WWC1: variants seen among roughly 807,000 people sequenced by gnomAD.
The protein encoded by WWC1 is WW and C2 domain containing 1.
Under a neutral mutation model 138.4 loss-of-function variants are expected in WWC1, and 55 were observed. The observed-to-expected ratio is 0.40, with a 90% CI of 0.32 to 0.50. The LOEUF is 0.50. Among genes scored for constraint, WWC1 ranks in the 20% least tolerant of loss-of-function variants. The pLI is 0.72. For missense variants in WWC1, 1,226 were observed against 1,420.4 expected (o/e 0.86, Z 2.20); for synonymous variants, 524 against 564.9 (o/e 0.93, Z 1.03).
intron 15 of WWC1, among the ~76,000 whole-genome samples, chr5:168,432,887 T>G (rs1221508605): frequency 1.3e-5 from 2 of 152,220 alleles, no homozygotes; most frequent in African/African-American, 4.8e-5. Context: ...AGCTGGAATG[T>G]AGAGCCTCTC....
chr5:168,420,264 T>C (rs894327960), intron 9 of WWC1, among the ~76,000 whole-genome samples: 1 of 152,142 alleles, frequency 6.6e-6, no homozygotes, highest in Non-Finnish European at 1.5e-5. Flanking sequence ...CAGATGTCAG[T>C]GGGGTTGCTT....
At position 168,292,266 on chromosome 5, in the gene WWC1, G is replaced by A; in HGVS notation, c.114G>A (p.Arg38=). ...GCACCACCAGCTGGATCGACCCGCG[G>A]GACAGGTAGGACCCTGGAACCCTCC... ...TNRTTSWIDP[R]DRYTKPLTFA... Residue 38 remains arginine, a synonymous_variant, in exon 1 of 23, where the codon CGG becomes CGA. Transcript: ENST00000265293. This position sits in a 1 kb window ranked among gnomAD's most constrained non-coding sequence, Gnocchi z 4.4. 6.3e-7 allele frequency: 1 copy of A among 1,597,006 alleles called. No homozygotes were observed. The highest frequency in any genetic ancestry group is 8.5e-7 in the Non-Finnish European group (1 of 1,172,638).
intron 9 of WWC1, among the ~76,000 whole-genome samples, chr5:168,421,410 A>G (rs1341888151): frequency 3.3e-5 from 5 of 152,146 alleles, no homozygotes; most frequent in Non-Finnish European, 7.3e-5. Context: ...GTTCTTTTCT[A>G]CCATTTGTAC....
intron 1 of WWC1, among the ~76,000 whole-genome samples, chr5:168,309,644 G>A (rs1324885982): frequency 6.6e-6 from 1 of 152,018 alleles, no homozygotes; most frequent in Non-Finnish European, 1.5e-5. Flanking sequence ...AAGCTTAGTG[G>A]AAAATAGACC....
rs1461852862 is a variant in WWC1, at chr5:168,384,959, C to T, written c.230-252C>T. ...CTCAAGCTCCTTGACCTCAAGTGAT[C>T]CACCTGCCTCAGCCTCCCAATGTGC... On this transcript the variant is annotated intron_variant, in intron 2 of 22. Coordinates refer to ENST00000265293, the MANE Select transcript of WWC1 (RefSeq NM_015238.3). Among the ~76,000 whole-genome samples the T allele has an allele frequency of 2.0e-5, 3 of 152,140 alleles. No individual in the cohort carries two copies. In the East Asian group the frequency reaches 5.8e-4, roughly 29 times the overall value.
intron 4 of WWC1, 126 bp from the exon 5 acceptor site, chr5:168,399,362 G>C (rs1779141936): frequency 9.0e-6 from 8 of 885,720 alleles, no homozygotes; most frequent in Non-Finnish European, 1.4e-5. Context: ...GTGGCGCAAG[G>C]GGTGCTGACC....
chr5:168,330,065 G>A (rs371854084), intron 1 of WWC1, among the ~76,000 whole-genome samples: 10 of 152,210 alleles, frequency 6.6e-5, no homozygotes, highest in East Asian at 3.9e-4. Context: ...AGCCGAGATC[G>A]CACCACTGCA....
intron 1 of WWC1, among the ~76,000 whole-genome samples, chr5:168,364,891 G>C (rs1032467272): frequency 6.6e-6 from 1 of 152,206 alleles, no homozygotes; most frequent in Non-Finnish European, 1.5e-5. Flanking sequence ...TAGACTGTAA[G>C]GGCAGGGCCC....
intron 1 of WWC1, among the ~76,000 whole-genome samples, chr5:168,343,127 C>G (rs750494232): frequency 6.7e-6 from 1 of 149,230 alleles, no homozygotes; most frequent in Non-Finnish European, 1.5e-5. Flanking sequence ...AACTTTACTT[C>G]CCTTTCACAT....
intron 1 of WWC1, among the ~76,000 whole-genome samples, chr5:168,337,054 C>A (rs1773536497): frequency 6.6e-6 from 1 of 152,162 alleles, no homozygotes; most frequent in Admixed American, 6.5e-5. Flanking sequence ...ACAACCTTCA[C>A]CTAGGTATAA....
Position 168,409,922 on chromosome 5 carries a change from T to C in WWC1, c.868T>C (p.Phe290Leu). The change falls in exon 8 of 23, where the codon TTC (phenylalanine) becomes CTC (leucine). Residue 290 changes from phenylalanine to leucine, a missense_variant and splice_region_variant. Physicochemically the swap from Phe to Leu is conservative, Grantham distance 22. Coordinates refer to ENST00000265293, the MANE Select transcript of WWC1 (RefSeq NM_015238.3). ...TCCTGACTTTGTTCTTCTCCTCCAG[T>C]TCGGCATCAACAGCAACAATCAGTT... Reference protein sequence around the residue: ...VSSQTDISGSFGINSNNQLAE... With the variant: ...VSSQTDISGSLGINSNNQLAE... 1 of 1,613,978 alleles carries C rather than the reference T, an allele frequency of 6.2e-7. No individual in the cohort carries two copies. Among genetic ancestry groups the C allele is most frequent in the Non-Finnish European group, 8.5e-7 (1 of 1,179,876 alleles).
intron 18 of WWC1, 34 bp from the exon 19 acceptor site, chr5:168,455,322 C>T (rs1323065261): frequency 1.3e-6 from 2 of 1,547,950 alleles, no homozygotes; most frequent in Non-Finnish European, 1.7e-6. Context: ...ACTCTGTGGA[C>T]ACTGGTGGCT....
At chr5:168,402,408 T>C (rs765941517) in intron 5 of WWC1, among the ~76,000 whole-genome samples, 16 of 152,154 alleles carry the variant, frequency 1.1e-4, no homozygotes, top group Admixed American at 2.6e-4. Flanking sequence ...TTTGAAAAAC[T>C]AGGGATTGTA....
chr5:168,450,544 T>C (rs1755702046), intron 17 of WWC1, among the ~76,000 whole-genome samples: 3 of 152,134 alleles, frequency 2.0e-5, no homozygotes, highest in South Asian at 4.1e-4. Flanking sequence ...CACGTGCCTG[T>C]AATCCCAGCT....
chr5:168,306,651 C>T (rs996442517), intron 1 of WWC1, among the ~76,000 whole-genome samples: 3 of 152,132 alleles, frequency 2.0e-5, no homozygotes, highest in African/African-American at 7.2e-5. Flanking sequence ...GGCTGGAGTG[C>T]AGTGGCACAA....
At chr5:168,359,029 GT>G (rs1775674736) in intron 1 of WWC1, among the ~76,000 whole-genome samples, 1 of 107,636 alleles carries the variant, frequency 9.3e-6, no homozygotes, top group South Asian at 3.6e-4. Flanking sequence ...GTTGGTGGTG[GT>G]GGGGTGTGTG....
chr5:168,355,494 C>CAAAA (rs564674062), intron 1 of WWC1, among the ~76,000 whole-genome samples: 18 of 66,514 alleles, frequency 2.7e-4, no homozygotes, highest in Non-Finnish European at 3.0e-4. Flanking sequence ...GACTCCGTCT[C>CAAAA]AAAAAAAAAA....
At chr5:168,439,473 A>C (rs1308577209) in intron 15 of WWC1, among the ~76,000 whole-genome samples, 1 of 45,568 alleles carries the variant, frequency 2.2e-5, no homozygotes, top group Non-Finnish European at 3.6e-5. Flanking sequence ...AAAAATACAA[A>C]AAAAAAAAAA....
intron 3 of WWC1, among the ~76,000 whole-genome samples, chr5:168,392,360 T>C (rs1232249519): frequency 2.0e-5 from 3 of 152,114 alleles, no homozygotes; most frequent in Non-Finnish European, 4.4e-5. Flanking sequence ...GACACTGACA[T>C]TGAGGATTCC....
Sources: allele counts gnomAD v4.1 joint callset (sites outside exome capture counted in the v4.1 genomes callset), GRCh38; gene constraint gnomAD v4.1.1; non-coding constraint Gnocchi (gnomAD v3.1); transcripts MANE v1.5; gene names NCBI Gene and HGNC (gene_info 2026-07-23, HGNC 2026-07-21).